The following CD109 variants were observed in gnomAD, a reference collection of about 807,000 sequenced individuals.
CD109 encodes CD109 antigen.
Under a neutral mutation model 165.8 loss-of-function variants are expected in CD109, and 149 were observed. The ratio of observed to expected loss-of-function variants is 0.90; its 90% CI spans 0.79 to 1.03. CD109 has a LOEUF of 1.03. CD109 is among the 50% of genes least tolerant of loss of function. The pLI is 0.00. For missense variants in CD109, 1,712 were observed against 1,677.8 expected (o/e 1.02, Z -0.36); for synonymous variants, 585 against 592.1 (o/e 0.99, Z 0.18).
In CD109 at chr6:73,785,427, G is replaced by A; in HGVS notation, c.2287G>A (p.Glu763Lys). 1 of 1,607,650 alleles carries A rather than the reference G, an allele frequency of 6.2e-7. No homozygotes were observed. Reference protein sequence around the residue: ...NLPYSVIRGEEFALEITIFNY... With the variant: ...NLPYSVIRGEKFALEITIFNY... The stretch of plus-strand genomic sequence containing the variant: ...TCCCTACTCTGTTATCAGAGGTGAA[G>A]AATTTGCTTTGGAAATAACTATATT... Residue 763 changes from glutamate (E) to lysine (K), a missense_variant, in exon 20 of 33, where the codon GAA becomes AAA. Coordinates refer to ENST00000287097, the MANE Select transcript of CD109 (RefSeq NM_133493.5).
chr6:73,819,959 G>A (rs975800314), intron 31 of CD109, among the ~76,000 whole-genome samples: 3 of 97,164 alleles, frequency 3.1e-5, no homozygotes, highest in African/African-American at 1.1e-4. Flanking sequence ...TCTTTAATGA[G>A]TGTTGTTGCC....
chr6:73,812,705 T>C (rs554775507), intron 29 of CD109, among the ~76,000 whole-genome samples: 112 of 152,194 alleles, frequency 7.4e-4, no homozygotes, highest in African/African-American at 2.5e-3. Flanking sequence ...ATAATTATGC[T>C]CAATCCTCTG....
At chr6:73,785,213 A>T in intron 19 of CD109, 151 bp from the exon 20 acceptor site, 1 of 618,418 alleles carries the variant, frequency 1.6e-6, no homozygotes, top group Non-Finnish European at 2.9e-6. Context: ...TTCATTTGTG[A>T]TAAGTTGCTG....
At chr6:73,722,187 T>G (rs1771978273) in intron 2 of CD109, among the ~76,000 whole-genome samples, 1 of 152,246 alleles carries the variant, frequency 6.6e-6, no homozygotes, top group African/African-American at 2.4e-5. Flanking sequence ...TAGGGGCATA[T>G]GACATCCTCA....
At chr6:73,720,187 AAAG>A (rs1771895106) in intron 2 of CD109, among the ~76,000 whole-genome samples, 1 of 152,226 alleles carries the variant, frequency 6.6e-6, no homozygotes, top group Non-Finnish European at 1.5e-5. Flanking sequence ...AAAAATGTAA[AAAG>A]AAGGAGGTCT....
At chr6:73,756,590 A>G in intron 5 of CD109, 53 bp from the exon 6 acceptor site, 1 of 1,249,870 alleles carries the variant, frequency 8.0e-7, no homozygotes, top group Non-Finnish European at 1.1e-6. Flanking sequence ...AGCAAGCAAA[A>G]TAAATAAGAA....
At position 73,792,643 on chromosome 6, in the gene CD109, T is replaced by A; in HGVS notation, c.2719T>A (p.Ser907Thr). Residue 907 changes from serine to threonine, a missense_variant, in exon 23 of 33, where the codon TCC becomes ACC. Physicochemically the swap from Ser to Thr is moderately conservative, Grantham distance 58. Transcript: ENST00000287097. ...ITAIGDVLGP[S>T]INGLASLIRM... ...GCTTCCAGGAGATGTTCTTGGTCCT[T>A]CCATCAATGGCTTAGCCTCATTGAT... 1 of 1,613,006 alleles carries A rather than the reference T, an allele frequency of 6.2e-7. No homozygotes were observed. Among genetic ancestry groups the A allele is most frequent in the Non-Finnish European group, 8.5e-7 (1 of 1,179,892 alleles).
At position 73,818,268 on chromosome 6, in the gene CD109, T is replaced by C. The variant is rs554657885; in HGVS notation, c.3912-120T>C. On this transcript the variant is annotated intron_variant, in intron 30 of 32. Transcript: ENST00000287097. ...TAAAATTCTCTATAGGGAATTTTATTTGAACTCAAACAGTGTTTGGAATAA... is the reference window on the plus strand; with the variant it reads ...TAAAATTCTCTATAGGGAATTTTATCTGAACTCAAACAGTGTTTGGAATAA... 1.1e-5 allele frequency: 11 copies of C among 991,136 alleles called. No individual in the cohort carries two copies. The East Asian group carries it at 2.8e-4, about 25-fold the overall frequency. The allele number at this position is 991,136 out of a possible 1,614,324, so 61.4% of individuals were successfully genotyped here.
chr6:73,737,385 T>C (rs2150188415), intron 5 of CD109, among the ~76,000 whole-genome samples: 1 of 152,322 alleles, frequency 6.6e-6, no homozygotes, highest in African/African-American at 2.4e-5. Flanking sequence ...CAATATTTGC[T>C]TCATGGCCAC....
At chr6:73,762,227 C>T (rs1773664667) in intron 7 of CD109, among the ~76,000 whole-genome samples, 157 bp from the exon 8 acceptor site, 1 of 152,258 alleles carries the variant, frequency 6.6e-6, no homozygotes, top group Admixed American at 6.5e-5. Flanking sequence ...TCCCAAAGTG[C>T]TGGGATTACA....
intron 5 of CD109, among the ~76,000 whole-genome samples, chr6:73,744,050 GAT>G (rs1325635660): frequency 6.6e-6 from 1 of 152,168 alleles, no homozygotes; most frequent in African/African-American, 2.4e-5. Context: ...ACTGTGGTAA[GAT>G]ATATATGTAA....
chr6:73,697,334 G>A, intron 1 of CD109, 66 bp from the exon 2 acceptor site: 1 of 1,476,542 alleles, frequency 6.8e-7, no homozygotes. Flanking sequence ...GGAAATCTGA[G>A]GGTCACAAAA....
At chr6:73,813,719 G>A (rs915690933) in intron 29 of CD109, among the ~76,000 whole-genome samples, 2 of 152,076 alleles carry the variant, frequency 1.3e-5, no homozygotes, top group Non-Finnish European at 2.9e-5. Flanking sequence ...TAAACTGCAA[G>A]ATCTTTTGAA....
chr6:73,800,253 T>C (rs1185907168), intron 23 of CD109, among the ~76,000 whole-genome samples: 1 of 152,236 alleles, frequency 6.6e-6, no homozygotes, highest in Non-Finnish European at 1.5e-5. Flanking sequence ...AGGAAATTAC[T>C]CTGCATCAGT....
chr6:73,779,500 G>A (rs1286009095), intron 15 of CD109, among the ~76,000 whole-genome samples: 1 of 151,776 alleles, frequency 6.6e-6, no homozygotes, highest in Non-Finnish European at 1.5e-5. Context: ...CGCCCGCCTC[G>A]GCCTCCCAAA....
rs1349767848 is a variant in CD109 at position 73,792,804 on chromosome 6, T to A, written c.2878+2T>A. The A allele has an allele frequency of 6.2e-7, 1 of 1,605,090 alleles. No individual in the cohort carries two copies. The highest frequency in any genetic ancestry group is 8.5e-7 in the Non-Finnish European group (1 of 1,178,560). On this transcript the variant is annotated splice_donor_variant, in intron 23 of 32. Coordinates refer to ENST00000287097, the MANE Select transcript of CD109 (RefSeq NM_133493.5). LOFTEE classifies it high-confidence loss of function. ...AAGCTCTTTCATTTATGAGGCAAGG[T>A]AAGCATTTTAGAGACCTACATTTGT...
upstream of CD109, chr6:73,693,853 T>C (rs938943513): frequency 2.0e-5 from 3 of 152,128 alleles, no homozygotes; most frequent in African/African-American, 7.2e-5. Context: ...GCCCGGCCCA[T>C]TTTCAGTGTT....
chr6:73,720,573 G>A (rs570129200), intron 2 of CD109, among the ~76,000 whole-genome samples: 3 of 152,226 alleles, frequency 2.0e-5, no homozygotes, highest in South Asian at 2.1e-4. Flanking sequence ...CATTCCATAA[G>A]TTATACCTCA....
At chr6:73,730,088 G>T (rs1404730465) in intron 3 of CD109, among the ~76,000 whole-genome samples, 3 of 152,178 alleles carry the variant, frequency 2.0e-5, no homozygotes, top group Non-Finnish European at 4.4e-5. Flanking sequence ...GAAATGGCAA[G>T]GTGACTCCTG....
Sources: allele counts gnomAD v4.1 joint callset (sites outside exome capture counted in the v4.1 genomes callset), GRCh38; gene constraint gnomAD v4.1.1; transcripts MANE v1.5; gene names NCBI Gene and HGNC (gene_info 2026-07-23, HGNC 2026-07-21).